Variants in CDH18 observed in about 807,000 individuals in gnomAD.
CDH18 encodes cadherin 18.
A neutral mutation model predicts 67.9 loss-of-function variants in CDH18; 31 were observed. That is an observed-to-expected ratio of 0.46 (90% confidence interval 0.34 to 0.62). CDH18 has a LOEUF of 0.62. CDH18 is among the 20% of genes least tolerant of loss of function. The probability of loss-of-function intolerance (pLI) is 0.01; values close to 1 mark genes in which losing one functional copy is unlikely to be tolerated. For synonymous variants in CDH18, 362 were observed against 347.2 expected (o/e 1.04, Z -0.48); for missense variants, 890 against 975.5 (o/e 0.91, Z 1.17).
chr5:20,448,118 C>A (rs1202523112), intron 1 of CDH18, among the ~76,000 whole-genome samples: 3 of 151,802 alleles, frequency 2.0e-5, no homozygotes, highest in Non-Finnish European at 4.4e-5. Context: ...CGCTCTCGTT[C>A]AATTCCCACC....
chr5:19,655,517 T>A (rs1756236705), intron 5 of CDH18, among the ~76,000 whole-genome samples: 1 of 152,066 alleles, frequency 6.6e-6, no homozygotes, highest in African/African-American at 2.4e-5. Flanking sequence ...GGAATAAATG[T>A]ATTGTTTTGT....
At chr5:20,369,341 A>T (rs749139857) in intron 1 of CDH18, among the ~76,000 whole-genome samples, 15 of 152,206 alleles carry the variant, frequency 9.9e-5, no homozygotes, top group Non-Finnish European at 1.6e-4. Flanking sequence ...TCCTACACTA[A>T]TTGCAACCTG....
intron 2 of CDH18, among the ~76,000 whole-genome samples, chr5:19,853,081 T>C (rs1783894510): frequency 6.6e-6 from 1 of 152,138 alleles, no homozygotes; most frequent in East Asian, 1.9e-4. Context: ...ATTAGTCTTT[T>C]GGGGATGTCA....
intron 1 of CDH18, among the ~76,000 whole-genome samples, chr5:20,539,033 C>A (rs1397891501): frequency 1.3e-5 from 2 of 150,526 alleles, no homozygotes; most frequent in African/African-American, 4.9e-5. Flanking sequence ...GGATTACAGG[C>A]ACCTGCCACC....
chr5:20,101,540 G>A (rs1746467841), intron 2 of CDH18, among the ~76,000 whole-genome samples: 2 of 152,088 alleles, frequency 1.3e-5, no homozygotes, highest in Non-Finnish European at 2.9e-5. Context: ...TTCCACTATT[G>A]GTAGGATCCC....
At chr5:19,721,848 T>C (rs1766144335) in intron 4 of CDH18, among the ~76,000 whole-genome samples, 1 of 152,212 alleles carries the variant, frequency 6.6e-6, no homozygotes, top group Admixed American at 6.5e-5. Context: ...AAGCTGTGTA[T>C]AGCATGTTTC....
intron 1 of CDH18, among the ~76,000 whole-genome samples, chr5:20,405,309 C>G (rs1432585051): frequency 3.9e-5 from 6 of 152,138 alleles, no homozygotes; most frequent in Non-Finnish European, 7.4e-5. Context: ...TGATCTTTGA[C>G]AAACCTGACA....
At chr5:20,271,239 T>C (rs1038982408) in intron 1 of CDH18, among the ~76,000 whole-genome samples, 4 of 152,124 alleles carry the variant, frequency 2.6e-5, no homozygotes, top group Admixed American at 6.6e-5. Flanking sequence ...GAGATAACTA[T>C]GGATAAGTTA....
intron 1 of CDH18, among the ~76,000 whole-genome samples, chr5:20,308,344 A>T (rs897427731): frequency 6.6e-6 from 1 of 152,050 alleles, no homozygotes; most frequent in South Asian, 2.1e-4. Context: ...GGAGTTCAAG[A>T]CCAGCCTGGG....
intron 1 of CDH18, among the ~76,000 whole-genome samples, chr5:20,353,473 A>T (rs1174935637): frequency 1.3e-5 from 2 of 152,186 alleles, no homozygotes; most frequent in East Asian, 3.9e-4. Flanking sequence ...CCCTAGAACA[A>T]GCTCAAAAAA....
rs376612242 is a variant in CDH18, at chr5:19,653,899, A to G, written c.644-41298T>C. Among the ~76,000 whole-genome samples the G allele has an allele frequency of 1.6e-4, 25 of 152,294 alleles. No individual in the cohort carries two copies. In the East Asian group the frequency reaches 3.1e-3, roughly 19 times the overall value. On this transcript the variant is annotated intron_variant, in intron 5 of 12. Transcript: ENST00000382275. ...TAGAGGAAGTGAGTGAGTGATGGGC[A>G]CTATGCTGCCACTTCTCACCAATAA...
intron 11 of CDH18, 90 bp downstream of exon 11, chr5:19,502,902 A>G (rs765458703): frequency 2.5e-6 from 2 of 811,436 alleles, no homozygotes; most frequent in South Asian, 2.7e-5. Context: ...GATTTGCAAG[A>G]TGTTTGTGTG....
intron 2 of CDH18, among the ~76,000 whole-genome samples, chr5:20,118,565 G>A (rs920149012): frequency 6.6e-6 from 1 of 152,086 alleles, no homozygotes; most frequent in Non-Finnish European, 1.5e-5. Context: ...GTCATTCAAG[G>A]CTTCTTTGTA....
intron 5 of CDH18, among the ~76,000 whole-genome samples, chr5:19,693,497 C>T (rs545422854): frequency 1.4e-4 from 21 of 152,262 alleles, no homozygotes; most frequent in Non-Finnish European, 2.9e-4. Flanking sequence ...TTCATATATC[C>T]ATTCTGGAAA....
chr5:20,267,031 G>T (rs1383043310), intron 1 of CDH18, among the ~76,000 whole-genome samples: 1 of 152,136 alleles, frequency 6.6e-6, no homozygotes, highest in East Asian at 1.9e-4. Context: ...AATGTTTGAA[G>T]ATCAGATATA....
intron 1 of CDH18, among the ~76,000 whole-genome samples, chr5:20,407,391 C>T (rs936233809): frequency 1.3e-5 from 2 of 151,866 alleles, no homozygotes; most frequent in Admixed American, 1.3e-4. Flanking sequence ...AGAGAACCCC[C>T]AGAATCTCCG....
intron 3 of CDH18, among the ~76,000 whole-genome samples, chr5:19,764,197 T>C (rs1480602115): frequency 1.3e-5 from 2 of 149,064 alleles, no homozygotes; most frequent in African/African-American, 4.9e-5. Flanking sequence ...AAAAATACAG[T>C]ACATATATGC....
intron 2 of CDH18, among the ~76,000 whole-genome samples, chr5:20,121,423 T>C (rs199862039): frequency 0.046 from 6,971 of 152,146 alleles, 381 homozygotes; most frequent in East Asian, 0.26. Context: ...TAAATCCTGT[T>C]TTTTTGTTGA....
rs1193670730 is a variant in CDH18 at position 19,792,068 on chromosome 5, T to C, written c.229-44832A>G. On this transcript the variant is annotated intron_variant, in intron 3 of 12. Coordinates refer to ENST00000382275, the MANE Select transcript of CDH18 (RefSeq NM_004934.5). Reference sequence around the variant, plus strand: ...AATTGATTGATATAATGGTTAATTTTACATGTCAACTTGACTAGTCTAAGG... The same window carrying C: ...AATTGATTGATATAATGGTTAATTTCACATGTCAACTTGACTAGTCTAAGG... Among the ~76,000 whole-genome samples, 5 of 152,178 alleles carry C rather than the reference T, an allele frequency of 3.3e-5. No individual in the cohort carries two copies. In the East Asian group the frequency reaches 9.6e-4, roughly 29 times the overall value.
Sources: gnomAD v4.1 joint callset for allele counts (sites outside exome capture counted in the v4.1 genomes callset) on GRCh38, gnomAD v4.1.1 for gene constraint, MANE v1.5 for transcripts, NCBI Gene and HGNC (gene_info 2026-07-23, HGNC 2026-07-21) for gene names.